The following VPS50 variants were observed in gnomAD, a reference collection of about 807,000 sequenced individuals.
VPS50 encodes the protein syndetin.
VPS50 carries 70 observed loss-of-function variants against 139.7 expected under a neutral mutation model. The observed-to-expected ratio is 0.50, with a 90% CI of 0.41 to 0.61. The LOEUF is 0.61. VPS50 is among the 20% of genes least tolerant of loss of function. VPS50 has a pLI of 0.00. For missense variants in VPS50, 921 were observed against 1,133.7 expected, an observed-to-expected ratio of 0.81 and a Z score of 2.69; for synonymous variants, 365 against 376.7, an observed-to-expected ratio of 0.97 and a Z score of 0.36.
At chr7:93,315,967 T>A (rs1797416909) in intron 20 of VPS50, among the ~76,000 whole-genome samples, 1 of 151,878 alleles carries the variant, frequency 6.6e-6, no homozygotes, top group African/African-American at 2.4e-5. Flanking sequence ...AATAAAAAAA[T>A]TTACAGTGTG....
At chr7:93,297,288 G>T in intron 16 of VPS50, 45 bp downstream of exon 16, 1 of 1,460,330 alleles carries the variant, frequency 6.8e-7, no homozygotes, top group Non-Finnish European at 9.0e-7. Flanking sequence ...TAGGTAATGA[G>T]AATACTTTTG....
intron 23 of VPS50, 51 bp from the exon 24 acceptor site, chr7:93,348,660 C>A: frequency 8.8e-7 from 1 of 1,140,640 alleles, no homozygotes; most frequent in South Asian, 1.3e-5. Flanking sequence ...GCATGACAGG[C>A]TCTAAATCCT....
rs147339596 is a variant in VPS50, at chr7:93,295,962, G to A, written c.1168-780G>A. ...ACTGGTCTTGAACTCCTGGGCCCAAGTGATATTCCTGCCTTGGCCTCCCAA... is the reference window on the plus strand; with the variant it reads ...ACTGGTCTTGAACTCCTGGGCCCAAATGATATTCCTGCCTTGGCCTCCCAA... On this transcript the variant is annotated intron_variant, in intron 14 of 27. Coordinates refer to ENST00000305866, the MANE Select transcript of VPS50 (RefSeq NM_017667.4). Among the ~76,000 whole-genome samples the A allele has an allele frequency of 5.3e-3, 812 of 152,292 alleles. 9 individuals are homozygous for A. The highest frequency in any genetic ancestry group is 0.018 in the African/African-American group (768 of 41,556).
chr7:93,332,423 A>G (rs1454982399), intron 21 of VPS50, among the ~76,000 whole-genome samples: 1 of 152,196 alleles, frequency 6.6e-6, no homozygotes, highest in Non-Finnish European at 1.5e-5. Context: ...ATGCTATCAC[A>G]TTAAGGGTTA....
chr7:93,263,169 A>G (rs1345380449), intron 9 of VPS50, among the ~76,000 whole-genome samples: 2 of 152,084 alleles, frequency 1.3e-5, no homozygotes, highest in East Asian at 1.9e-4. Context: ...TTTAAAATGT[A>G]TTTAATTGAC....
intron 22 of VPS50, among the ~76,000 whole-genome samples, chr7:93,334,976 C>CTCCTT (rs1332724623): frequency 7.2e-5 from 11 of 152,050 alleles, no homozygotes; most frequent in Non-Finnish European, 5.9e-5. Context: ...AATCATTTTC[C>CTCCTT]TCCTTTTTCA....
At chr7:93,241,315 A>G (rs1794981860) in intron 2 of VPS50, among the ~76,000 whole-genome samples, 1 of 152,078 alleles carries the variant, frequency 6.6e-6, no homozygotes, top group South Asian at 2.1e-4. Flanking sequence ...TCCATCAGTG[A>G]CCAGTGCTGT....
At chr7:93,245,006 A>T (rs569425945) in intron 2 of VPS50, among the ~76,000 whole-genome samples, 2 of 152,048 alleles carry the variant, frequency 1.3e-5, no homozygotes, top group African/African-American at 2.4e-5. Context: ...CCAGGCAGTT[A>T]CTAATCATTG....
At chr7:93,343,387 G>A (rs1426564036) in intron 23 of VPS50, among the ~76,000 whole-genome samples, 1 of 152,220 alleles carries the variant, frequency 6.6e-6, no homozygotes, top group East Asian at 1.9e-4. Flanking sequence ...GGGGAGAATG[G>A]AACCAAGTTG....
chr7:93,340,336 AC>A (rs1358649879), intron 22 of VPS50, among the ~76,000 whole-genome samples: 1 of 152,150 alleles, frequency 6.6e-6, no homozygotes, highest in Admixed American at 6.5e-5. Flanking sequence ...GTGATTGGTA[AC>A]TCTTGAGCTG....
chr7:93,346,026 G>A (rs1798382255), intron 23 of VPS50, among the ~76,000 whole-genome samples: 1 of 152,170 alleles, frequency 6.6e-6, no homozygotes, highest in South Asian at 2.1e-4. Flanking sequence ...TAGGAAAAGA[G>A]GAAGTCAAAT....
intron 21 of VPS50, among the ~76,000 whole-genome samples, chr7:93,325,108 A>G (rs1162592698): frequency 2.0e-5 from 3 of 152,190 alleles, no homozygotes; most frequent in African/African-American, 7.2e-5. Flanking sequence ...ATATAGATCA[A>G]TGGAACAGAA....
chr7:93,327,758 C>T (rs1167403575), intron 21 of VPS50, among the ~76,000 whole-genome samples: 1 of 152,100 alleles, frequency 6.6e-6, no homozygotes, highest in African/African-American at 2.4e-5. Context: ...CAGAATTTTT[C>T]ATACTCATAA....
At chr7:93,339,364 C>T (rs1312925113) in intron 22 of VPS50, among the ~76,000 whole-genome samples, 3 of 150,308 alleles carry the variant, frequency 2.0e-5, no homozygotes, top group Non-Finnish European at 3.0e-5. Flanking sequence ...AGAATTAAAC[C>T]ACTTTCTAAC....
At chr7:93,304,943 A>G (rs1010969541) in intron 17 of VPS50, among the ~76,000 whole-genome samples, 26 of 152,058 alleles carry the variant, frequency 1.7e-4, no homozygotes, top group African/African-American at 5.8e-4. Context: ...CAAAAGGAAA[A>G]TAAACACATA....
At chr7:93,252,067 A>G (rs1435423124) in intron 2 of VPS50, among the ~76,000 whole-genome samples, 1 of 152,210 alleles carries the variant, frequency 6.6e-6, no homozygotes, top group East Asian at 1.9e-4. Flanking sequence ...CATATAGAGA[A>G]GTTTAGCTTC....
chr7:93,343,955 A>G (rs1163349126), intron 23 of VPS50, among the ~76,000 whole-genome samples: 1 of 152,224 alleles, frequency 6.6e-6, no homozygotes, highest in African/African-American at 2.4e-5. Flanking sequence ...CATCATAATG[A>G]CAGGATCAAA....
intron 24 of VPS50, among the ~76,000 whole-genome samples, chr7:93,349,545 T>A (rs1166750722): frequency 6.6e-6 from 1 of 151,974 alleles, no homozygotes; most frequent in Non-Finnish European, 1.5e-5. Flanking sequence ...AGGGGAGAGA[T>A]GGTGGAATCC....
intron 2 of VPS50, among the ~76,000 whole-genome samples, chr7:93,252,427 A>G (rs959153319): frequency 6.6e-6 from 1 of 152,154 alleles, no homozygotes; most frequent in African/African-American, 2.4e-5. Context: ...GGAATTGAGA[A>G]TAAAATCTAA....
Sources: allele counts gnomAD v4.1 joint callset (sites outside exome capture counted in the v4.1 genomes callset), GRCh38; gene constraint gnomAD v4.1.1; transcripts MANE v1.5; gene names NCBI Gene and HGNC (gene_info 2026-07-23, HGNC 2026-07-21).